NR2E3: variants seen among roughly 807,000 people sequenced by gnomAD.
The protein encoded by NR2E3 is photoreceptor-specific nuclear receptor.
NR2E3 carries 38 observed loss-of-function variants against 37.6 expected under a neutral mutation model. That is an observed-to-expected ratio of 1.01 (90% CI 0.78 to 1.33). The LOEUF is 1.33. Ranked by LOEUF, NR2E3 falls within the 40% of genes most tolerant of loss-of-function variation. The pLI is 0.00. For missense variants in NR2E3, 562 were observed against 558.7 expected (o/e 1.01, Z -0.06); for synonymous variants, 235 against 225.1 (o/e 1.04, Z -0.39).
At chr15:71,815,980 G>T (rs1382522601) in intron 7 of NR2E3, among the ~76,000 whole-genome samples, 1 of 152,168 alleles carries the variant, frequency 6.6e-6, no homozygotes, top group Admixed American at 6.5e-5. Context: ...GATGGGAGGG[G>T]TATACGACTT....
At position 71,813,717 on chromosome 15, in the gene NR2E3, G is replaced by A. The variant is rs1595957344; in HGVS notation, c.994+82G>A. On this transcript the variant is annotated intron_variant, in intron 6 of 7. Coordinates refer to ENST00000617575, the MANE Select transcript of NR2E3 (RefSeq NM_014249.4). The surrounding 1 kb of genome is among the most constrained non-coding windows in gnomAD (Gnocchi z 4.7). ...CTCACTCTCCCTCCACTACCCCCATGTGTGCAGATGTGTGTAGGCCTCTAT... is the reference window on the plus strand; with the variant it reads ...CTCACTCTCCCTCCACTACCCCCATATGTGCAGATGTGTGTAGGCCTCTAT... 2 of 1,587,862 alleles carry A rather than the reference G, an allele frequency of 1.3e-6. No individual in the cohort carries two copies. Among genetic ancestry groups the A allele is most frequent in the East Asian group, 2.2e-5 (1 of 44,792 alleles).
intron 1 of NR2E3, 58 bp downstream of exon 1, chr15:71,810,919 C>T (rs1352890691): frequency 4.1e-6 from 6 of 1,471,334 alleles, no homozygotes; most frequent in Non-Finnish European, 4.5e-6. Context: ...AGGGTAAGGG[C>T]CAGAGGTTCG....
Position 71,811,503 on chromosome 15 carries a change from TGCC to T in NR2E3, c.142_144del (p.Arg48del). The T allele has an allele frequency of 6.4e-7, 1 of 1,563,036 alleles. No individual in the cohort carries two copies. Among genetic ancestry groups the T allele is most frequent in the South Asian group, 1.2e-5 (1 of 84,818 alleles). ...CTCAGGCGTGAGCCCCTCGCTCCAGTGCCGCGTGTGCGGAGACAGCAGCAGCGG... is the reference window on the plus strand; with the variant it reads ...CTCAGGCGTGAGCCCCTCGCTCCAGTGCGTGTGCGGAGACAGCAGCAGCGG... On this transcript the variant is annotated inframe_deletion, in exon 2 of 8. Transcript: ENST00000617575. This position sits in a 1 kb window ranked among gnomAD's most constrained non-coding sequence, Gnocchi z 5.6.
At position 71,814,099 on chromosome 15, in the gene NR2E3, A is replaced by C. The variant is rs537337423; in HGVS notation, c.1082A>C (p.His361Pro). Reference protein sequence around the residue: ...VMLSQHSKAHHPSQPVRFGKL... With the variant: ...VMLSQHSKAHPPSQPVRFGKL... ...CTGAGCCAGCACAGCAAGGCCCACC[A>C]CCCCAGCCAGCCCGTGAGGTGACCT... The change falls in exon 7 of 8, where the codon CAC (histidine) becomes CCC (proline). Residue 361 changes from histidine (H) to proline (P), a missense_variant. Transcript: ENST00000617575. 3.1e-6 allele frequency: 5 copies of C among 1,610,494 alleles called. No individual in the cohort carries two copies.
Position 71,817,094 on chromosome 15 carries a change from CTT to C in NR2E3, c.1101-453_1101-452del, listed in dbSNP as rs986159548. ...AACTCCTCTGGTTAATGCGGCTTTT[CTT>C]TTTTCTTTTTTTTTTTTTTTGAGAC... On this transcript the variant is annotated intron_variant, in intron 7 of 7. Coordinates refer to ENST00000617575, the MANE Select transcript of NR2E3 (RefSeq NM_014249.4). Among the ~76,000 whole-genome samples, 42 of 136,940 alleles carry C rather than the reference CTT, an allele frequency of 3.1e-4. No individual in the cohort carries two copies. In the East Asian group the frequency reaches 5.2e-3, roughly 17 times the overall value. The allele number at this position is 136,940 out of a possible 152,430, so 89.8% of individuals were successfully genotyped here. A position where few individuals can be genotyped will look rare whatever the true frequency, so the allele number is the denominator to read the frequency against.
Position 71,811,667 on chromosome 15 carries a change from G to T in NR2E3, c.245+58G>T. The T allele has an allele frequency of 1.9e-6, 3 of 1,574,518 alleles. No individual in the cohort carries two copies. The South Asian group carries it at 3.5e-5, about 18-fold the overall frequency. On this transcript the variant is annotated intron_variant, in intron 2 of 7. Coordinates refer to ENST00000617575, the MANE Select transcript of NR2E3 (RefSeq NM_014249.4). The surrounding 1 kb of genome is among the most constrained non-coding windows in gnomAD (Gnocchi z 5.6). Reference sequence around the variant, plus strand: ...CCTGAGGGGTTCTGGAGGGGTGAGGGGGTGCTCAGGGGAAGAGGGGCTTGG... The same window carrying T: ...CCTGAGGGGTTCTGGAGGGGTGAGGTGGTGCTCAGGGGAAGAGGGGCTTGG...
At chr15:71,816,977 C>G (rs2054230980) in intron 7 of NR2E3, among the ~76,000 whole-genome samples, 1 of 152,044 alleles carries the variant, frequency 6.6e-6, no homozygotes, top group African/African-American at 2.4e-5. Flanking sequence ...ATAATCTTTA[C>G]ATATAATAAA....
Position 71,811,914 on chromosome 15 carries a change from G to A in NR2E3, c.350-41G>A, listed in dbSNP as rs1311611930. 1.3e-6 allele frequency: 2 copies of A among 1,549,224 alleles called. No individual in the cohort carries two copies. The highest frequency in any genetic ancestry group is 2.4e-5 in the South Asian group (2 of 84,000). ...GGGGGGAGGTGACAAGAAATGGGCA[G>A]CGGGACTGGCGTGTCGTCCTGACCC... On this transcript the variant is annotated intron_variant, in intron 3 of 7. Transcript: ENST00000617575. The surrounding 1 kb of genome is among the most constrained non-coding windows in gnomAD (Gnocchi z 5.6).
chr15:71,813,278 G>A lies in NR2E3; in HGVS notation c.748-111G>A, dbSNP rs1167725265. 1 of 1,446,258 alleles carries A rather than the reference G, an allele frequency of 6.9e-7. No individual in the cohort carries two copies. The highest frequency in any genetic ancestry group is 9.4e-7 in the Non-Finnish European group (1 of 1,068,554). 89.6% of individuals were successfully genotyped at this position (1,446,258 alleles called of 1,614,324 possible). Reference sequence around the variant, plus strand: ...GCTGATGTCAGGAGAGCATTCTCGGGTCCCAGGACAGCACTTCCATTCCTT... The same window carrying A: ...GCTGATGTCAGGAGAGCATTCTCGGATCCCAGGACAGCACTTCCATTCCTT... On this transcript the variant is annotated intron_variant, in intron 5 of 7. Coordinates refer to ENST00000617575, the MANE Select transcript of NR2E3 (RefSeq NM_014249.4). This position sits in a 1 kb window ranked among gnomAD's most constrained non-coding sequence, Gnocchi z 4.7.
chr15:71,817,751 A>G lies in NR2E3; in HGVS notation c.*67A>G, dbSNP rs1193773687. The G allele has an allele frequency of 1.4e-6, 2 of 1,461,958 alleles. No individual in the cohort carries two copies. The highest frequency in any genetic ancestry group is 2.0e-5 in the Admixed American group (1 of 50,678). 90.6% of individuals were successfully genotyped at this position (1,461,958 alleles called of 1,614,324 possible). A position where few individuals can be genotyped will look rare whatever the true frequency, so the allele number is the denominator to read the frequency against. On this transcript the variant is annotated 3_prime_UTR_variant, in exon 8 of 8. Coordinates refer to ENST00000617575, the MANE Select transcript of NR2E3 (RefSeq NM_014249.4). ...ATCTACTGAAACGAAACATTTGCCT[A>G]CTCTTTGCCCCAGCAATTCCTCGTA...
Position 71,812,150 on chromosome 15 carries a change from CCTG to C in NR2E3, c.546_548del (p.Cys183del), listed in dbSNP as rs762887025. On this transcript the variant is annotated inframe_deletion, in exon 4 of 8. Coordinates refer to ENST00000617575, the MANE Select transcript of NR2E3 (RefSeq NM_014249.4). ...ATGGCCAGCCTTATAACAGCTGAAACCTGTGCTAAGCTGGAGCCAGAGGATGGT... is the reference window on the plus strand; with the variant it reads ...ATGGCCAGCCTTATAACAGCTGAAACTGCTAAGCTGGAGCCAGAGGATGGT... 7.0e-6 allele frequency: 11 copies of C among 1,569,916 alleles called. No homozygotes were observed. Among genetic ancestry groups the C allele is most frequent in the Non-Finnish European group, 8.6e-6 (10 of 1,157,960 alleles).
Position 71,811,382 on chromosome 15 carries a change from G to A in NR2E3, c.119-101G>A. The A allele has an allele frequency of 9.0e-7, 1 of 1,116,240 alleles. No individual in the cohort carries two copies. The highest frequency in any genetic ancestry group is 1.3e-6 in the Non-Finnish European group (1 of 781,382). 69.1% of individuals were successfully genotyped at this position (1,116,240 alleles called of 1,614,324 possible). On this transcript the variant is annotated intron_variant, in intron 1 of 7. Transcript: ENST00000617575. This position sits in a 1 kb window ranked among gnomAD's most constrained non-coding sequence, Gnocchi z 5.6. ...GGGTTCGTTCAAATGCGGGTGAGCG[G>A]GGCCTGAGGACTGGGAAAGGGACCC...
At chr15:71,816,167 G>T (rs2054224388) in intron 7 of NR2E3, among the ~76,000 whole-genome samples, 1 of 152,048 alleles carries the variant, frequency 6.6e-6, no homozygotes, top group Admixed American at 6.5e-5. Flanking sequence ...CTGGCCATCA[G>T]ACCTACCCAG....
At chr15:71,815,174 G>A (rs2054217428) in intron 7 of NR2E3, among the ~76,000 whole-genome samples, 1 of 152,178 alleles carries the variant, frequency 6.6e-6, no homozygotes. Context: ...TGGAGCCTCA[G>A]CAAGGTTGGA....
chr15:71,815,075 T>G, intron 7 of NR2E3: 1 of 234,124 alleles, frequency 4.3e-6, no homozygotes, highest in African/African-American at 2.3e-5. Flanking sequence ...TGGGGGAGAG[T>G]TGCTGCAGGC....
Position 71,811,537 on chromosome 15 carries a change from A to T in NR2E3, c.173A>T (p.His58Leu), listed in dbSNP as rs2054180239. ...TGCGGAGACAGCAGCAGCGGGAAGC[A>T]CTATGGCATCTATGCCTGCAACGGC... The part of the protein sequence containing the change: ...RVCGDSSSGK[H>L]YGIYACNGCS... Residue 58 changes from histidine to leucine, a missense_variant, in exon 2 of 8, where the codon CAC becomes CTC. His to Leu is a moderately conservative substitution (Grantham distance 99). Coordinates refer to ENST00000617575, the MANE Select transcript of NR2E3 (RefSeq NM_014249.4). The surrounding 1 kb of genome is among the most constrained non-coding windows in gnomAD (Gnocchi z 5.6). 1 of 1,589,022 alleles carries T rather than the reference A, an allele frequency of 6.3e-7. No individual in the cohort carries two copies.
In NR2E3 at chr15:71,810,822, G is replaced by A. The variant is rs1315773209; in HGVS notation, c.79G>A (p.Glu27Lys). 1.9e-6 allele frequency: 3 copies of A among 1,570,630 alleles called. No individual in the cohort carries two copies. The highest frequency in any genetic ancestry group is 1.9e-5 in the Admixed American group (1 of 53,584). The change falls in exon 1 of 8, where the codon GAG (glutamate) becomes AAG (lysine). Residue 27 changes from glutamate to lysine, a missense_variant. Transcript: ENST00000617575. ...TGCAGCTGGGGCTGCCTCCAGGAAG[G>A]AGTCTCCAGGCAGATGGGGCCTGGG... Reference protein sequence around the residue: ...APAAGAASRKESPGRWGLGED... With the variant: ...APAAGAASRKKSPGRWGLGED...
Position 71,812,415 on chromosome 15 carries a change from G to C in NR2E3, c.651G>C (p.Leu217=), listed in dbSNP as rs1242785696. 3 of 1,613,968 alleles carry C rather than the reference G, an allele frequency of 1.9e-6. No homozygotes were observed. The African/African-American group carries it at 4.0e-5, about 22-fold the overall frequency. ...SPYSSSSPCG[L]DSIHETSARL... Reference sequence around the variant, plus strand: ...ACTCCTCTTCCTCCCCCTGCGGCCTGGACAGCATCCATGAGACCTCGGCTC... The same window carrying C: ...ACTCCTCTTCCTCCCCCTGCGGCCTCGACAGCATCCATGAGACCTCGGCTC... Residue 217 remains leucine, a synonymous_variant, in exon 5 of 8, where the codon CTG becomes CTC. Transcript: ENST00000617575.
chr15:71,814,213 A>G, intron 7 of NR2E3, 96 bp downstream of exon 7: 1 of 1,494,750 alleles, frequency 6.7e-7, no homozygotes, highest in Non-Finnish European at 8.9e-7. Flanking sequence ...ATTAGACAGC[A>G]CAAGGGTCTC....
Sources: allele counts gnomAD v4.1 joint callset (sites outside exome capture counted in the v4.1 genomes callset), GRCh38; gene constraint gnomAD v4.1.1; non-coding constraint Gnocchi (gnomAD v3.1); transcripts MANE v1.5; gene names NCBI Gene and HGNC (gene_info 2026-07-23, HGNC 2026-07-21).